The following GPC6 variants were observed in gnomAD, a reference collection of about 807,000 sequenced individuals.
The protein encoded by GPC6 is glypican-6.
Under a neutral mutation model 55.2 loss-of-function variants are expected in GPC6, and 14 were observed. That is an observed-to-expected ratio of 0.25 (90% CI 0.17 to 0.40). The LOEUF (loss-of-function observed/expected upper bound fraction) is 0.40, where lower values mean the gene tolerates loss of function less well. Ranked by LOEUF, GPC6 falls within the 10% of genes least tolerant of loss-of-function variation. GPC6 has a pLI of 1.00. For synonymous variants in GPC6, 278 were observed against 259.6 expected, an observed-to-expected ratio of 1.07 and a Z score of -0.68; for missense variants, 641 against 708.5, an observed-to-expected ratio of 0.90 and a Z score of 1.08.
intron 3 of GPC6, among the ~76,000 whole-genome samples, chr13:93,956,385 C>G (rs1168924485): frequency 6.6e-6 from 1 of 152,052 alleles, no homozygotes; most frequent in East Asian, 1.9e-4. Context: ...CTTTTTCTTT[C>G]CTGTTGCTTA....
chr13:93,384,382 C>T (rs1219409237), intron 1 of GPC6, among the ~76,000 whole-genome samples: 1 of 141,816 alleles, frequency 7.1e-6, no homozygotes, highest in African/African-American at 2.7e-5. Context: ...AACCTGAAAA[C>T]CGTTTTTTTT....
At chr13:93,247,387 A>G (rs1217923869) in intron 1 of GPC6, among the ~76,000 whole-genome samples, 2 of 152,208 alleles carry the variant, frequency 1.3e-5, no homozygotes, top group Admixed American at 6.5e-5. Context: ...GGACACTCCT[A>G]TGTGGTGATC....
At chr13:93,962,160 A>C (rs892046440) in intron 3 of GPC6, among the ~76,000 whole-genome samples, 1 of 152,206 alleles carries the variant, frequency 6.6e-6, no homozygotes, top group Non-Finnish European at 1.5e-5. Context: ...CATTACTATA[A>C]GTCCCCCACA....
At chr13:93,480,773 A>T (rs1879487535) in intron 1 of GPC6, among the ~76,000 whole-genome samples, 1 of 152,216 alleles carries the variant, frequency 6.6e-6, no homozygotes. Flanking sequence ...CACATGGAAG[A>T]ATGCCATTCC....
chr13:93,539,520 C>T (rs559102580), intron 1 of GPC6, among the ~76,000 whole-genome samples: 45 of 152,090 alleles, frequency 3.0e-4, no homozygotes, highest in African/African-American at 8.2e-4. Context: ...TCCATAGAGT[C>T]GGGCTCACGC....
At chr13:94,031,147 A>C (rs1481140713) in intron 4 of GPC6, among the ~76,000 whole-genome samples, 1 of 151,556 alleles carries the variant, frequency 6.6e-6, no homozygotes, top group African/African-American at 2.4e-5. Context: ...AAAAATCAGG[A>C]GTCTATTTAG....
Position 94,259,529 on chromosome 13 carries a change from AT to A in GPC6, c.878-26814del, listed in dbSNP as rs199996423. 5.1e-3 allele frequency among the ~76,000 whole-genome samples: 775 copies of A among 152,124 alleles called. 4 individuals carry two copies. The highest frequency in any genetic ancestry group is 8.3e-3 in the Non-Finnish European group (562 of 67,972). ...TGTACTTTTCAAAAATATTTTAACG[AT>A]TTTTTGGGTGTATGATTCAGTGGCA... On this transcript the variant is annotated intron_variant, in intron 4 of 8. Transcript: ENST00000377047.
rs1393598933 is a variant in GPC6 at position 93,651,072 on chromosome 13, CAA to C, written c.319+105652_319+105653del. 2.6e-5 allele frequency among the ~76,000 whole-genome samples: 4 copies of C among 152,300 alleles called. No individual in the cohort carries two copies. The East Asian group carries it at 5.8e-4, about 22-fold the overall frequency. ...ACATCTAAATATGCAAGTGCAAACACAAGAGGCATCACCCACCTCCCACCTTT... is the reference window on the plus strand; with the variant it reads ...ACATCTAAATATGCAAGTGCAAACACGAGGCATCACCCACCTCCCACCTTT... On this transcript the variant is annotated intron_variant, in intron 2 of 8. Transcript: ENST00000377047.
chr13:93,646,217 A>G (rs1880164166), intron 2 of GPC6, among the ~76,000 whole-genome samples: 1 of 152,184 alleles, frequency 6.6e-6, no homozygotes, highest in Admixed American at 6.5e-5. Context: ...TTTCCTAAAC[A>G]TAATTAATCA....
At chr13:93,925,272 T>A (rs981857306) in intron 3 of GPC6, among the ~76,000 whole-genome samples, 4 of 152,160 alleles carry the variant, frequency 2.6e-5, no homozygotes, top group African/African-American at 9.7e-5. Context: ...CTCCAAAGTC[T>A]TTTCTATTTT....
At chr13:93,396,576 A>AAAT (rs148474237) in intron 1 of GPC6, among the ~76,000 whole-genome samples, 3,880 of 150,366 alleles carry the variant, frequency 0.026, 168 homozygotes, top group African/African-American at 0.085. Context: ...TCAAAAAAGA[A>AAAT]AATAATAATA....
chr13:94,247,640 A>G (rs546255233), intron 4 of GPC6, among the ~76,000 whole-genome samples: 1 of 152,100 alleles, frequency 6.6e-6, no homozygotes, highest in African/African-American at 2.4e-5. Context: ...TGTTAATGCA[A>G]TGTATAACAT....
intron 1 of GPC6, among the ~76,000 whole-genome samples, chr13:93,442,797 T>C (rs904062638): frequency 5.9e-5 from 9 of 152,094 alleles, no homozygotes; most frequent in African/African-American, 2.2e-4. Context: ...TAAGTGTATA[T>C]ATATATTTTT....
chr13:94,379,298 G>A (rs985561672), intron 6 of GPC6, among the ~76,000 whole-genome samples: 6 of 152,072 alleles, frequency 3.9e-5, no homozygotes, highest in Admixed American at 2.6e-4. Context: ...CACCATCACC[G>A]TCTGCAGGTG....
intron 4 of GPC6, among the ~76,000 whole-genome samples, chr13:94,124,286 A>G (rs1886733245): frequency 1.3e-5 from 2 of 151,804 alleles, no homozygotes; most frequent in South Asian, 2.1e-4. Context: ...TTTCCTTTCA[A>G]TTTTGTGAAT....
chr13:93,675,137 A>G (rs1171853946), intron 2 of GPC6, among the ~76,000 whole-genome samples: 1 of 152,158 alleles, frequency 6.6e-6, no homozygotes, highest in African/African-American at 2.4e-5. Flanking sequence ...TGCAGTGTAC[A>G]AGTAGTTATG....
chr13:94,000,439 T>A (rs1232430633), intron 3 of GPC6, among the ~76,000 whole-genome samples: 1 of 152,228 alleles, frequency 6.6e-6, no homozygotes, highest in Admixed American at 6.5e-5. Flanking sequence ...GCCATCTTTC[T>A]GTACAAAACT....
intron 1 of GPC6, among the ~76,000 whole-genome samples, chr13:93,486,058 G>A (rs981399600): frequency 6.6e-6 from 1 of 152,162 alleles, no homozygotes; most frequent in Non-Finnish European, 1.5e-5. Flanking sequence ...AATAAGCCAA[G>A]CAAGAAAATT....
At chr13:93,865,312 T>A (rs1042044570) in intron 3 of GPC6, among the ~76,000 whole-genome samples, 2 of 151,710 alleles carry the variant, frequency 1.3e-5, no homozygotes, top group African/African-American at 4.8e-5. Context: ...CTATTTTCAA[T>A]GATAAATGTC....
Sources: gnomAD v4.1 joint callset for allele counts (sites outside exome capture counted in the v4.1 genomes callset) on GRCh38, gnomAD v4.1.1 for gene constraint, MANE v1.5 for transcripts, NCBI Gene and HGNC (gene_info 2026-07-23, HGNC 2026-07-21) for gene names.